The following NRXN1 variants were observed in gnomAD, a reference collection of about 807,000 sequenced individuals.
NRXN1 encodes neurexin-1.
Under a neutral mutation model 150.9 loss-of-function variants are expected in NRXN1, and 39 were observed. The ratio of observed to expected loss-of-function variants is 0.26; its 90% CI spans 0.20 to 0.34. The LOEUF (loss-of-function observed/expected upper bound fraction) is 0.34. NRXN1 is among the 10% of genes least tolerant of loss of function. The pLI is 1.00. For missense variants in NRXN1, 1,815 were observed against 1,949.9 expected (o/e 0.93, Z 1.30); for synonymous variants, 924 against 757.0 (o/e 1.22, Z -3.62).
At chr2:50,259,939 C>T (rs2068083088) in intron 17 of NRXN1, among the ~76,000 whole-genome samples, 4 of 151,838 alleles carry the variant, frequency 2.6e-5, no homozygotes, top group African/African-American at 7.2e-5. Context: ...TAGTGTAACG[C>T]GGGCTTAGGT....
At chr2:50,588,857 G>C (rs1332053186) in intron 8 of NRXN1, 2 of 152,168 alleles carry the variant, frequency 1.3e-5, no homozygotes, top group African/African-American at 2.4e-5. Context: ...GATAATTATA[G>C]TAGCGGAGGT....
chr2:50,554,870 A>G (rs1176419830), intron 8 of NRXN1, among the ~76,000 whole-genome samples: 1 of 152,190 alleles, frequency 6.6e-6, no homozygotes, highest in Non-Finnish European at 1.5e-5. Context: ...AAATATGTAC[A>G]ATGGTTTAAC....
Position 50,416,584 on chromosome 2 carries a change from T to G in NRXN1, c.3364+48858A>C, listed in dbSNP as rs903596815. Reference sequence around the variant, plus strand: ...ACTCCTATAAAGAAATGCCCAAGACTGGGTAATTTATAAAGGAAGAGGTTT... The same window carrying G: ...ACTCCTATAAAGAAATGCCCAAGACGGGGTAATTTATAAAGGAAGAGGTTT... On this transcript the variant is annotated intron_variant, in intron 17 of 22. Transcript: ENST00000401669. Among the ~76,000 whole-genome samples the G allele has an allele frequency of 3.9e-5, 6 of 152,114 alleles. 1 individual carries two copies. The highest frequency in any genetic ancestry group is 2.0e-4 in the Admixed American group (3 of 15,252).
intron 18 of NRXN1, among the ~76,000 whole-genome samples, chr2:50,107,539 A>ATTTTTTT (rs1230095218): frequency 1.5e-5 from 2 of 129,884 alleles, no homozygotes; most frequent in African/African-American, 5.9e-5. Context: ...ATATATATAT[A>ATTTTTTT]TTTTTTTTTT....
Position 49,922,175 on chromosome 2 carries a change from C to G in NRXN1, c.4293G>C (p.Thr1431=), listed in dbSNP as rs369748793. ...CGGCTACTATCCCAACGACCATACC[C>G]GTGGTGCTGCTGGACTCCCGGATCA... ...AEVIRESSST[T]GMVVGIVAAA... The change falls in exon 23 of 23, where the codon ACG becomes ACC. Residue 1431 remains threonine, a synonymous_variant. Transcript: ENST00000401669. The G allele has an allele frequency of 6.2e-7, 1 of 1,614,104 alleles. No individual in the cohort carries two copies. Among genetic ancestry groups the G allele is most frequent in the East Asian group, 2.2e-5 (1 of 44,856 alleles).
intron 18 of NRXN1, among the ~76,000 whole-genome samples, chr2:50,202,652 T>G (rs544708921): frequency 6.6e-6 from 1 of 152,132 alleles, no homozygotes; most frequent in Non-Finnish European, 1.5e-5. Context: ...CTGACACTTA[T>G]AGCAAAATTA....
At chr2:50,633,305 C>T (rs921869156) in intron 5 of NRXN1, among the ~76,000 whole-genome samples, 2 of 151,688 alleles carry the variant, frequency 1.3e-5, no homozygotes, top group Non-Finnish European at 2.9e-5. Flanking sequence ...TCAAAGTATC[C>T]TATGTTTTAA....
intron 18 of NRXN1, among the ~76,000 whole-genome samples, chr2:50,170,341 T>C (rs1463217617): frequency 1.3e-5 from 2 of 152,006 alleles, no homozygotes; most frequent in Non-Finnish European, 2.9e-5. Flanking sequence ...TATTGCCCAG[T>C]CTGGAGTGCA....
chr2:50,182,432 T>A (rs1244248132), intron 18 of NRXN1, among the ~76,000 whole-genome samples: 2 of 152,062 alleles, frequency 1.3e-5, no homozygotes, highest in Non-Finnish European at 2.9e-5. Flanking sequence ...CTCATTCAAT[T>A]TTTCTTCCAT....
At chr2:50,729,315 A>G (rs1158091680) in intron 5 of NRXN1, among the ~76,000 whole-genome samples, 1 of 152,198 alleles carries the variant, frequency 6.6e-6, no homozygotes, top group Non-Finnish European at 1.5e-5. Context: ...CACTTTACAA[A>G]GTTTTTCTCA....
rs574185905 is a variant in NRXN1, at chr2:50,237,060, C to T, written c.3365-90G>A. 1.3e-5 allele frequency: 15 copies of T among 1,199,528 alleles called. No homozygotes were observed. The African/African-American group carries it at 1.9e-4, about 16-fold the overall frequency. The allele number at this position is 1,199,528 out of a possible 1,614,324, so 74.3% of individuals were successfully genotyped here. ...TTATATTGATATATCAGTAAAGTATCAACTCTACACACAAAACTATGGCAA... is the reference window on the plus strand; with the variant it reads ...TTATATTGATATATCAGTAAAGTATTAACTCTACACACAAAACTATGGCAA... On this transcript the variant is annotated intron_variant, in intron 17 of 22. Coordinates refer to ENST00000401669, the MANE Select transcript of NRXN1 (RefSeq NM_001330078.2).
chr2:50,504,863 A>G (rs1409604878), intron 13 of NRXN1, among the ~76,000 whole-genome samples: 1 of 152,182 alleles, frequency 6.6e-6, no homozygotes, highest in Non-Finnish European at 1.5e-5. Flanking sequence ...TAGTTCCCTG[A>G]AAATTATTCT....
At chr2:50,997,351 G>A (rs1249509012) in intron 2 of NRXN1, among the ~76,000 whole-genome samples, 1 of 151,940 alleles carries the variant, frequency 6.6e-6, no homozygotes, top group Non-Finnish European at 1.5e-5. Context: ...GGGCAACAGA[G>A]TAAGACCATA....
intron 17 of NRXN1, among the ~76,000 whole-genome samples, chr2:50,276,106 C>T (rs1574880157): frequency 6.6e-6 from 1 of 151,464 alleles, no homozygotes; most frequent in East Asian, 1.9e-4. Context: ...GCTTACTCAA[C>T]CATAGAAACG....
rs1573107960 is a variant in NRXN1 at position 50,469,768 on chromosome 2, T to C, written c.3244+2530A>G. On this transcript the variant is annotated intron_variant, in intron 16 of 22. Transcript: ENST00000401669. ...TTCTAAGAGTAAAGAAAAAAAGGGG[T>C]GTCAGGGTGTGAAAATTATAAAAGC... 2.0e-5 allele frequency among the ~76,000 whole-genome samples: 3 copies of C among 149,028 alleles called. No homozygotes were observed. The East Asian group carries it at 5.9e-4, about 29-fold the overall frequency.
intron 5 of NRXN1, among the ~76,000 whole-genome samples, chr2:50,741,374 A>T (rs1559195398): frequency 6.6e-6 from 1 of 152,104 alleles, no homozygotes; most frequent in Non-Finnish European, 1.5e-5. Flanking sequence ...TTTGCCATGG[A>T]TATATTTTTG....
chr2:50,128,413 A>C (rs1008069427), intron 18 of NRXN1, among the ~76,000 whole-genome samples: 2 of 152,236 alleles, frequency 1.3e-5, no homozygotes, highest in African/African-American at 2.4e-5. Flanking sequence ...AACTAAAATA[A>C]TATCATCAGG....
At chr2:50,119,311 T>G (rs780351239) in intron 18 of NRXN1, among the ~76,000 whole-genome samples, 2 of 151,792 alleles carry the variant, frequency 1.3e-5, no homozygotes, top group Non-Finnish European at 2.9e-5. Context: ...CACTTTCTTA[T>G]GGGACACATT....
At chr2:49,990,183 T>C (rs140362765) in intron 21 of NRXN1, among the ~76,000 whole-genome samples, 323 of 151,856 alleles carry the variant, frequency 2.1e-3, no homozygotes, top group Middle Eastern at 3.5e-3. Flanking sequence ...GGAAAGGCTG[T>C]TAGATTTGAA....
Sources: allele counts gnomAD v4.1 joint callset (sites outside exome capture counted in the v4.1 genomes callset), GRCh38; gene constraint gnomAD v4.1.1; transcripts MANE v1.5; gene names NCBI Gene and HGNC (gene_info 2026-07-23, HGNC 2026-07-21).